Variants in SIPA1L2 observed in about 807,000 individuals in gnomAD.
SIPA1L2 encodes signal-induced proliferation-associated 1-like protein 2.
A neutral mutation model predicts 163.9 loss-of-function variants in SIPA1L2; 56 were observed. The ratio of observed to expected loss-of-function variants is 0.34; its 90% CI spans 0.28 to 0.43. The LOEUF (loss-of-function observed/expected upper bound fraction) is 0.43. Among genes scored for constraint, SIPA1L2 ranks in the 20% least tolerant of loss-of-function variants. The probability of loss-of-function intolerance (pLI) is 1.00; values close to 1 mark genes in which losing one functional copy is unlikely to be tolerated. For synonymous variants in SIPA1L2, 877 were observed against 865.7 expected, an observed-to-expected ratio of 1.01 and a Z score of -0.23; for missense variants, 1,974 against 2,193.5, an observed-to-expected ratio of 0.90 and a Z score of 2.00.
intron 18 of SIPA1L2, among the ~76,000 whole-genome samples, chr1:232,421,885 A>T (rs1661596372): frequency 6.6e-6 from 1 of 152,212 alleles, no homozygotes; most frequent in African/African-American, 2.4e-5. Context: ...TTTGAAATCT[A>T]AGAATTCTCA....
At chr1:232,458,114 T>C (rs1258944331) in intron 10 of SIPA1L2, among the ~76,000 whole-genome samples, 1 of 152,232 alleles carries the variant, frequency 6.6e-6, no homozygotes, top group Non-Finnish European at 1.5e-5. Context: ...AAATAGCTAA[T>C]TCTAATCCTT....
intron 1 of SIPA1L2, among the ~76,000 whole-genome samples, chr1:232,609,015 A>T (rs1353625612): frequency 6.6e-6 from 1 of 152,092 alleles, no homozygotes; most frequent in African/African-American, 2.4e-5. Flanking sequence ...AAAAAAAGTA[A>T]CCTCTTTTCT....
intron 2 of SIPA1L2, among the ~76,000 whole-genome samples, chr1:232,523,596 T>A (rs1667552263): frequency 6.6e-6 from 1 of 152,244 alleles, no homozygotes; most frequent in Non-Finnish European, 1.5e-5. Context: ...TTTAAATGAA[T>A]GTTTAGTGAC....
Position 232,515,327 on chromosome 1 carries a change from T to C in SIPA1L2, c.13A>G (p.Arg5Gly). The change falls in exon 3 of 23, where the codon AGG becomes GGG. Residue 5 changes from arginine (R) to glycine (G), a missense_variant. Physicochemically the swap from Arg to Gly is moderately radical, Grantham distance 125 (BLOSUM62 -2). Around this residue, in one of 3 missense-constraint regions of SIPA1L2, gnomAD observed 607 missense variants for 624.0 expected, o/e 0.97. Coordinates refer to ENST00000674635, the MANE Select transcript of SIPA1L2 (RefSeq NM_020808.5). The part of the protein sequence containing the change: MSDP[R>G]QSQEEKHKLG... ...TTGTGCTTCTCTTCTTGTGACTGCCTTGGGTCACTCATGTCTACCGAGGAA... is the reference window on the plus strand; with the variant it reads ...TTGTGCTTCTCTTCTTGTGACTGCCCTGGGTCACTCATGTCTACCGAGGAA... The C allele has an allele frequency of 6.3e-7, 1 of 1,595,606 alleles. No individual in the cohort carries two copies. Among genetic ancestry groups the C allele is most frequent in the Non-Finnish European group, 8.5e-7 (1 of 1,169,940 alleles).
At chr1:232,467,807 C>T (rs1664600436) in intron 8 of SIPA1L2, among the ~76,000 whole-genome samples, 1 of 152,212 alleles carries the variant, frequency 6.6e-6, no homozygotes, top group Admixed American at 6.5e-5. Flanking sequence ...GTGCAGCTTG[C>T]ATGCACTTAA....
intron 19 of SIPA1L2, among the ~76,000 whole-genome samples, chr1:232,409,848 T>C (rs1237259206): frequency 6.6e-6 from 1 of 152,168 alleles, no homozygotes; most frequent in Non-Finnish European, 1.5e-5. Flanking sequence ...TAATAAGCTA[T>C]TGTTGTTTTT....
chr1:232,457,967 T>C (rs902026652), intron 10 of SIPA1L2, among the ~76,000 whole-genome samples: 1 of 152,158 alleles, frequency 6.6e-6, no homozygotes, highest in Non-Finnish European at 1.5e-5. Flanking sequence ...GATTTAAAAA[T>C]TTACAAATTC....
At chr1:232,596,785 C>G (rs1028370851) in intron 1 of SIPA1L2, among the ~76,000 whole-genome samples, 5 of 152,106 alleles carry the variant, frequency 3.3e-5, no homozygotes, top group Non-Finnish European at 7.3e-5. Flanking sequence ...GCTTCTTCCC[C>G]GCTTCGCCTG....
intron 2 of SIPA1L2, among the ~76,000 whole-genome samples, chr1:232,566,421 G>A (rs184175971): frequency 5.9e-5 from 9 of 152,288 alleles, no homozygotes; most frequent in Admixed American, 5.9e-4. Context: ...TGCATACTGA[G>A]ACTTAACTTA....
intron 2 of SIPA1L2, among the ~76,000 whole-genome samples, chr1:232,556,643 G>A (rs780004029): frequency 1.3e-4 from 19 of 151,928 alleles, no homozygotes; most frequent in Non-Finnish European, 2.2e-4. Flanking sequence ...ATGTGTCTTC[G>A]GGAGCTGTTA....
rs529876584 is a variant in SIPA1L2 at position 232,449,384 on chromosome 1, G to A, written c.3096-3598C>T. Among the ~76,000 whole-genome samples the A allele has an allele frequency of 9.2e-5, 14 of 152,182 alleles. No individual in the cohort carries two copies. The South Asian group carries it at 2.7e-3, about 29-fold the overall frequency. ...ATACAAAAAATTGGCCGGGCACGGT[G>A]GTGGGCGTCTGTGGTCCCAGCTACT... On this transcript the variant is annotated intron_variant, in intron 10 of 22. Coordinates refer to ENST00000674635, the MANE Select transcript of SIPA1L2 (RefSeq NM_020808.5).
At chr1:232,510,782 C>T (rs887876801) in intron 3 of SIPA1L2, among the ~76,000 whole-genome samples, 3 of 152,080 alleles carry the variant, frequency 2.0e-5, no homozygotes, top group Admixed American at 1.3e-4. Flanking sequence ...GACCGGGGTG[C>T]ACAAAACAAC....
At chr1:232,579,849 G>A (rs1263441210) in intron 1 of SIPA1L2, among the ~76,000 whole-genome samples, 3 of 152,146 alleles carry the variant, frequency 2.0e-5, no homozygotes, top group Admixed American at 1.3e-4. Flanking sequence ...ATGGCCAGAT[G>A]GGTGAAGCTT....
At chr1:232,423,724 A>C (rs1661712331) in intron 18 of SIPA1L2, among the ~76,000 whole-genome samples, 1 of 152,256 alleles carries the variant, frequency 6.6e-6, no homozygotes, top group Admixed American at 6.5e-5. Flanking sequence ...CTTTGAACAC[A>C]TTAAAAAAGG....
intron 9 of SIPA1L2, among the ~76,000 whole-genome samples, chr1:232,464,087 C>T (rs543096268): frequency 3.9e-5 from 6 of 152,014 alleles, no homozygotes; most frequent in Non-Finnish European, 8.8e-5. Flanking sequence ...GATTTACACA[C>T]AAGAAATTCT....
intron 2 of SIPA1L2, among the ~76,000 whole-genome samples, chr1:232,571,812 G>A (rs577347096): frequency 3.8e-4 from 58 of 152,236 alleles, no homozygotes; most frequent in Non-Finnish European, 7.9e-4. Context: ...GCTGGCTTCC[G>A]CTTCAACTTC....
At chr1:232,534,574 C>T (rs931393386) in intron 2 of SIPA1L2, among the ~76,000 whole-genome samples, 1 of 152,170 alleles carries the variant, frequency 6.6e-6, no homozygotes, top group Non-Finnish European at 1.5e-5. Context: ...TGTGCATCAA[C>T]GGACACTATC....
chr1:232,417,001 C>T (rs2102784908), intron 18 of SIPA1L2, among the ~76,000 whole-genome samples: 1 of 152,242 alleles, frequency 6.6e-6, no homozygotes, highest in East Asian at 1.9e-4. Context: ...CTGAACCTGC[C>T]CAGAACACTG....
intron 3 of SIPA1L2, among the ~76,000 whole-genome samples, chr1:232,511,239 T>A (rs1032038288): frequency 2.6e-5 from 4 of 152,134 alleles, no homozygotes; most frequent in Non-Finnish European, 4.4e-5. Flanking sequence ...GAAGTAACTA[T>A]GGTGTTAACA....
Sources: gnomAD v4.1 joint callset for allele counts (sites outside exome capture counted in the v4.1 genomes callset) on GRCh38, gnomAD v4.1.1 for gene constraint, gnomAD v4.1.1 regional missense constraint, MANE v1.5 for transcripts, NCBI Gene and HGNC (gene_info 2026-07-23, HGNC 2026-07-21) for gene names.